USP54: variants seen among roughly 807,000 people sequenced by gnomAD.
USP54 encodes ubiquitin carboxyl-terminal hydrolase 54.
Under a neutral mutation model 170.5 loss-of-function variants are expected in USP54, and 87 were observed. That is an observed-to-expected ratio of 0.51 (90% CI 0.43 to 0.61). The LOEUF is 0.61. Among genes scored for constraint, USP54 ranks in the 20% least tolerant of loss-of-function variants. The pLI, the probability that USP54 is intolerant of heterozygous loss-of-function variation, is 0.00. For synonymous variants in USP54, 655 were observed against 742.8 expected (o/e 0.88, Z 1.92); for missense variants, 1,786 against 2,047.8 (o/e 0.87, Z 2.47).
chr10:73,534,871 C>T lies in USP54; in HGVS notation c.1145-101G>A, dbSNP rs182591495. The T allele has an allele frequency of 4.1e-3, 4,506 of 1,112,308 alleles. 17 individuals are homozygous for T. Among genetic ancestry groups the T allele is most frequent in the Non-Finnish European group, 5.1e-3 (3,965 of 774,048 alleles). 68.9% of individuals were successfully genotyped at this position (1,112,308 alleles called of 1,614,324 possible). On this transcript the variant is annotated intron_variant, in intron 11 of 23. Transcript: ENST00000687698. ...ACAACAAAGCTCCATAAGGCAAGAA[C>T]TTCCTAGACACAAGTGTGAGAAGGA...
At chr10:73,623,449 G>C (rs574735848) in intron 1 of USP54, among the ~76,000 whole-genome samples, 48 of 151,564 alleles carry the variant, frequency 3.2e-4, no homozygotes, top group Non-Finnish European at 5.7e-4. Flanking sequence ...TTGAGCCCAG[G>C]AGTTTGAGAC....
intron 16 of USP54, 132 bp from the exon 17 acceptor site, chr10:73,523,882 T>A (rs9703377): frequency 0.28 from 39,871 of 142,134 alleles, 6,394 homozygotes; most frequent in Middle Eastern, 0.38. Flanking sequence ...ATTTATTATT[T>A]ATTATTATTA....
At position 73,530,253 on chromosome 10, in the gene USP54, C is replaced by A; in HGVS notation, c.1718G>T (p.Arg573Leu). The change falls in exon 14 of 24, where the codon CGT becomes CTT. Residue 573 changes from arginine to leucine, a missense_variant. By Grantham distance (102) the Arg-to-Leu change is moderately radical. Transcript: ENST00000687698. The stretch of plus-strand genomic sequence containing the variant: ...TTCTCGTTTGGGTCTCCATGTGGGA[C>A]GATACTTGCTGGAAGAACTGGATTT... ...ESKSSSSSKY[R>L]PTWRPKRESL... is the part of the protein sequence containing the mutation. 1 of 1,614,154 alleles carries A rather than the reference C, an allele frequency of 6.2e-7. No homozygotes were observed. Among genetic ancestry groups the A allele is most frequent in the Admixed American group, 1.7e-5 (1 of 60,018 alleles).
intron 4 of USP54, among the ~76,000 whole-genome samples, chr10:73,552,750 C>G (rs2069836155): frequency 6.6e-6 from 1 of 152,140 alleles, no homozygotes. Context: ...GAGATCACAC[C>G]ACTGTACTCC....
At chr10:73,558,851 A>G (rs2071958982) in intron 4 of USP54, among the ~76,000 whole-genome samples, 1 of 152,220 alleles carries the variant, frequency 6.6e-6, no homozygotes, top group African/African-American at 2.4e-5. Context: ...AGCCTTACCA[A>G]TAATATAAAT....
rs762502736 is a variant in USP54 at position 73,526,669 on chromosome 10, C to G, written c.2172G>C (p.Trp724Cys). 8.1e-6 allele frequency: 13 copies of G among 1,614,060 alleles called. No homozygotes were observed. Among genetic ancestry groups the G allele is most frequent in the Non-Finnish European group, 1.1e-5 (13 of 1,179,996 alleles). ...EVDSTASMGG[W>C]TKSQPFSGEE... ...TACCAGAGAAAGGCTGACTCTTTGT[C>G]CAGCCACCCATGGATGCTGTGGAGT... The change falls in exon 16 of 24, where the codon TGG (tryptophan) becomes TGC (cysteine). Residue 724 changes from tryptophan to cysteine, a missense_variant. Coordinates refer to ENST00000687698, the MANE Select transcript of USP54 (RefSeq NM_001391956.1).
intron 1 of USP54, among the ~76,000 whole-genome samples, chr10:73,619,298 G>A (rs574719368): frequency 6.6e-6 from 1 of 150,386 alleles, no homozygotes; most frequent in East Asian, 1.9e-4. Context: ...TGGAATCATG[G>A]CTCACTACAG....
At chr10:73,544,392 T>C (rs1287131688) in intron 5 of USP54, among the ~76,000 whole-genome samples, 1 of 152,228 alleles carries the variant, frequency 6.6e-6, no homozygotes, top group Non-Finnish European at 1.5e-5. Context: ...TGTTTAACCG[T>C]CTACTCACTG....
At chr10:73,566,364 T>C (rs72814320) in intron 4 of USP54, among the ~76,000 whole-genome samples, 1,742 of 152,308 alleles carry the variant, frequency 0.011, 19 homozygotes, top group Non-Finnish European at 0.019. Context: ...TGATTCCATT[T>C]ACAATGAAGT....
intron 23 of USP54, 46 bp downstream of exon 23, chr10:73,500,609 A>G (rs936228856): frequency 1.1e-5 from 17 of 1,537,480 alleles, no homozygotes; most frequent in Non-Finnish European, 1.5e-5. Context: ...AGGCCCCTGA[A>G]AAGGTACCAA....
At chr10:73,539,346 T>C in intron 10 of USP54, 98 bp downstream of exon 10, 1 of 863,008 alleles carries the variant, frequency 1.2e-6, no homozygotes, top group Non-Finnish European at 1.6e-6. Context: ...TGTGGGGAGG[T>C]CCCATTCAAA....
chr10:73,622,326 A>G (rs541289574), intron 1 of USP54, among the ~76,000 whole-genome samples: 1 of 150,940 alleles, frequency 6.6e-6, no homozygotes, highest in Non-Finnish European at 1.5e-5. Context: ...TTATTTATTT[A>G]TTTATTTATT....
upstream of USP54, among the ~76,000 whole-genome samples, chr10:73,594,812 T>C (rs898300352): frequency 1.3e-5 from 2 of 152,152 alleles, no homozygotes; most frequent in African/African-American, 4.8e-5. Context: ...AGAGAAAATA[T>C]TCTAGCCTTT....
At chr10:73,514,869 G>C (rs1367840704) in intron 20 of USP54, among the ~76,000 whole-genome samples, 1 of 151,914 alleles carries the variant, frequency 6.6e-6, no homozygotes, top group Admixed American at 6.6e-5. Flanking sequence ...GTGAAACCCT[G>C]TCTCTACTAA....
chr10:73,530,076 C>G, intron 14 of USP54, 67 bp downstream of exon 14: 1 of 1,531,500 alleles, frequency 6.5e-7, no homozygotes, highest in Non-Finnish European at 8.7e-7. Context: ...ACCAAAAAAC[C>G]CAGGTTTTAA....
At chr10:73,523,964 A>C (rs1277933817) in intron 16 of USP54, among the ~76,000 whole-genome samples, 1 of 149,764 alleles carries the variant, frequency 6.7e-6, no homozygotes, top group Non-Finnish European at 1.5e-5. Context: ...CTGGAGTGCA[A>C]TGGCGCAATC....
At chr10:73,610,376 T>A (rs1242904694) in intron 1 of USP54, among the ~76,000 whole-genome samples, 1 of 151,966 alleles carries the variant, frequency 6.6e-6, no homozygotes, top group Non-Finnish European at 1.5e-5. Flanking sequence ...AATCCCAGCA[T>A]TTTGGGAGGC....
chr10:73,600,482 A>G (rs529818345), intron 1 of USP54, among the ~76,000 whole-genome samples: 1 of 152,342 alleles, frequency 6.6e-6, no homozygotes, highest in South Asian at 2.1e-4. Context: ...GGTAAATGGT[A>G]CATCAGGTCA....
chr10:73,585,708 T>C (rs545379303), intron 1 of USP54, among the ~76,000 whole-genome samples: 8 of 152,336 alleles, frequency 5.3e-5, no homozygotes, highest in African/African-American at 1.9e-4. Flanking sequence ...ATATTTTTGA[T>C]ATTCACATAT....
Sources: allele counts gnomAD v4.1 joint callset (sites outside exome capture counted in the v4.1 genomes callset), GRCh38; gene constraint gnomAD v4.1.1; transcripts MANE v1.5; gene names NCBI Gene and HGNC (gene_info 2026-07-23, HGNC 2026-07-21).